The following JAZF1 variants were observed in gnomAD, a reference collection of about 807,000 sequenced individuals.
JAZF1 encodes the protein juxtaposed with another zinc finger protein 1.
A neutral mutation model predicts 26.4 loss-of-function variants in JAZF1; 8 were observed. The ratio of observed to expected loss-of-function variants is 0.30; its 90% CI spans 0.18 to 0.55. The LOEUF (loss-of-function observed/expected upper bound fraction) is 0.55. JAZF1 is among the 20% of genes least tolerant of loss of function. JAZF1 has a pLI of 0.94. For synonymous variants in JAZF1, 126 were observed against 122.3 expected (o/e 1.03, Z -0.20); for missense variants, 199 against 322.0 (o/e 0.62, Z 2.92).
intron 1 of JAZF1, among the ~76,000 whole-genome samples, chr7:28,126,537 C>T (rs1351722075): frequency 6.6e-6 from 1 of 152,048 alleles, no homozygotes; most frequent in Admixed American, 6.5e-5. Flanking sequence ...AAGCGAGTCT[C>T]ACTCAGAGGC....
rs1352578028 is a variant in JAZF1, at chr7:28,161,510, T to C, written c.115+18953A>G. Among the ~76,000 whole-genome samples, 4 of 152,268 alleles carry C rather than the reference T, an allele frequency of 2.6e-5. No individual in the cohort carries two copies. The East Asian group carries it at 7.7e-4, about 29-fold the overall frequency. The stretch of plus-strand genomic sequence containing the variant: ...TACGTTACCAGGTGCCTCCTTGTTA[T>C]TAAGGAAGTACAGAACATGTGCTAA... On this transcript the variant is annotated intron_variant, in intron 1 of 4. Transcript: ENST00000283928.
intron 4 of JAZF1, among the ~76,000 whole-genome samples, chr7:27,835,823 T>TA (rs1011849011): frequency 1.1e-4 from 17 of 151,294 alleles, no homozygotes; most frequent in South Asian, 4.2e-4. Flanking sequence ...GAAATATTAG[T>TA]AAAAAAAAAT....
intron 2 of JAZF1, among the ~76,000 whole-genome samples, chr7:27,988,014 C>T (rs112216810): frequency 0.071 from 10,796 of 152,142 alleles, 499 homozygotes; most frequent in African/African-American, 0.13. Flanking sequence ...GTCATCACCA[C>T]TCCCTAATCT....
intron 2 of JAZF1, among the ~76,000 whole-genome samples, chr7:27,916,692 A>G (rs1020370487): frequency 1.3e-5 from 2 of 152,192 alleles, no homozygotes; most frequent in African/African-American, 4.8e-5. Context: ...ACCAATAAAA[A>G]GCTCAAAATG....
intron 3 of JAZF1, among the ~76,000 whole-genome samples, chr7:27,850,927 A>G (rs1338535575): frequency 6.6e-6 from 1 of 152,094 alleles, no homozygotes; most frequent in Non-Finnish European, 1.5e-5. Flanking sequence ...ATAATAATAC[A>G]TCGGAATGAA....
intron 1 of JAZF1, among the ~76,000 whole-genome samples, chr7:28,143,934 C>T (rs781149584): frequency 2.6e-4 from 40 of 152,268 alleles, no homozygotes; most frequent in Non-Finnish European, 5.1e-4. Flanking sequence ...TGAATCCTCA[C>T]CACCTAAAAC....
chr7:27,916,632 CTAGA>C (rs1784446791), intron 2 of JAZF1, among the ~76,000 whole-genome samples: 1 of 152,210 alleles, frequency 6.6e-6, no homozygotes, highest in African/African-American at 2.4e-5. Context: ...CTTAGGGACT[CTAGA>C]TAGCACTTCA....
rs553896490 is a variant in JAZF1, at chr7:27,831,379, C to CAGTT, written c.*1417_*1420dup. On this transcript the variant is annotated 3_prime_UTR_variant, in exon 5 of 5. Transcript: ENST00000283928. ...AAGCAATTTGAGTTTGTTTTATGGG[C>CAGTT]AGTTAGCTATCTCAAAGCATTTTTT... The CAGTT allele has an allele frequency of 1.6e-4, 37 of 227,378 alleles. No individual in the cohort carries two copies. The highest frequency in any genetic ancestry group is 2.6e-3 in the Middle Eastern group (2 of 760). The allele number at this position is 227,378 out of a possible 1,614,324, so 14.1% of individuals were successfully genotyped here. A position where few individuals can be genotyped will look rare whatever the true frequency, so the allele number is the denominator to read the frequency against.
chr7:28,145,163 G>A (rs150713284), intron 1 of JAZF1, among the ~76,000 whole-genome samples: 1 of 152,262 alleles, frequency 6.6e-6, no homozygotes, highest in Non-Finnish European at 1.5e-5. Flanking sequence ...AACCTAGAGA[G>A]CTCCCATCCT....
chr7:27,945,353 T>C (rs1784911017), intron 2 of JAZF1, among the ~76,000 whole-genome samples: 1 of 152,146 alleles, frequency 6.6e-6, no homozygotes. Context: ...TAGGAAAAGC[T>C]CTGCTGATCA....
chr7:27,928,201 T>C (rs548159006), intron 2 of JAZF1, among the ~76,000 whole-genome samples: 375 of 152,334 alleles, frequency 2.5e-3, no homozygotes, highest in African/African-American at 8.5e-3. Flanking sequence ...AGTTAGGCAA[T>C]AGTCTTTGGC....
At chr7:27,997,072 T>C (rs1314220260) in intron 1 of JAZF1, among the ~76,000 whole-genome samples, 4 of 151,888 alleles carry the variant, frequency 2.6e-5, no homozygotes, top group African/African-American at 9.7e-5. Flanking sequence ...TTTTGGAAAA[T>C]GGAAAACCCA....
chr7:27,960,105 G>C (rs1785164538), intron 2 of JAZF1, among the ~76,000 whole-genome samples: 1 of 152,144 alleles, frequency 6.6e-6, no homozygotes, highest in African/African-American at 2.4e-5. Context: ...CTTCTCTCTG[G>C]AAAAGGTATA....
At chr7:28,131,313 TA>T (rs35200756) in intron 1 of JAZF1, among the ~76,000 whole-genome samples, 14,537 of 145,252 alleles carry the variant, frequency 0.1, 1,371 homozygotes, top group African/African-American at 0.25. Flanking sequence ...CTCTATCACT[TA>T]AAAAAAAAAA....
At chr7:27,987,135 G>C (rs1785735511) in intron 2 of JAZF1, among the ~76,000 whole-genome samples, 1 of 151,736 alleles carries the variant, frequency 6.6e-6, no homozygotes, top group Non-Finnish European at 1.5e-5. Context: ...GATGTGAGGA[G>C]CCCCTCTGCC....
chr7:28,065,639 A>G (rs188011932), intron 1 of JAZF1, among the ~76,000 whole-genome samples: 1 of 152,324 alleles, frequency 6.6e-6, no homozygotes, highest in Non-Finnish European at 1.5e-5. Flanking sequence ...CCTGCCTAGC[A>G]TCTTGTTATC....
chr7:27,843,134 G>C (rs1357726704), intron 3 of JAZF1: 2 of 152,190 alleles, frequency 1.3e-5, no homozygotes, highest in Non-Finnish European at 2.9e-5. Context: ...CCGACAGGTG[G>C]TAAGTTGGAA....
chr7:28,036,893 T>C (rs1783303523), intron 1 of JAZF1, among the ~76,000 whole-genome samples: 1 of 152,148 alleles, frequency 6.6e-6, no homozygotes. Context: ...CCAGCAACCC[T>C]CACGGCAGCC....
chr7:27,956,991 G>A (rs1469770831), intron 2 of JAZF1, among the ~76,000 whole-genome samples: 1 of 152,210 alleles, frequency 6.6e-6, no homozygotes, highest in African/African-American at 2.4e-5. Context: ...AAAATGAAGT[G>A]TGGTACCTCA....
Sources: gnomAD v4.1 joint callset for allele counts (sites outside exome capture counted in the v4.1 genomes callset) on GRCh38, gnomAD v4.1.1 for gene constraint, MANE v1.5 for transcripts, NCBI Gene and HGNC (gene_info 2026-07-23, HGNC 2026-07-21) for gene names.